Variants in SLC12A7 observed in about 807,000 individuals in gnomAD.
The protein encoded by SLC12A7 is K-Cl cotransporter 4.
SLC12A7 carries 100 observed loss-of-function variants against 120.6 expected under a neutral mutation model. The observed-to-expected ratio is 0.83, with a 90% CI of 0.71 to 0.98. SLC12A7 has a LOEUF of 0.98. Among genes scored for constraint, SLC12A7 ranks in the 50% least tolerant of loss-of-function variants. The pLI is 0.00. For missense variants in SLC12A7, 1,373 were observed against 1,548.1 expected (o/e 0.89, Z 1.90); for synonymous variants, 760 against 678.0 (o/e 1.12, Z -1.88).
chr5:1,085,485 A>C lies in SLC12A7; in HGVS notation c.676-12T>G, dbSNP rs549204265. 2.6e-4 allele frequency: 407 copies of C among 1,593,722 alleles called. 8 individuals carry two copies. The South Asian group carries it at 4.4e-3, about 17-fold the overall frequency. Reference sequence around the variant, plus strand: ...GGGGAGATGTACGTCTGTGGGAACAAGGCCGGTCGGGAGGCCGTCCCCGGA... The same window carrying C: ...GGGGAGATGTACGTCTGTGGGAACACGGCCGGTCGGGAGGCCGTCCCCGGA... On this transcript the variant is annotated splice_polypyrimidine_tract_variant and intron_variant, in intron 6 of 23. Transcript: ENST00000264930.
the SLC12A7 span, among the ~76,000 whole-genome samples, chr5:1,120,169 C>T: frequency 9.2e-5 from 14 of 152,226 alleles, no homozygotes; most frequent in South Asian, 2.1e-4. Context: ...TGCCACAGCC[C>T]CAAACATGCT....
rs772247449 is a variant in SLC12A7 at position 1,085,280 on chromosome 5, G to T, written c.869C>A (p.Ala290Asp). The T allele has an allele frequency of 6.2e-7, 1 of 1,612,648 alleles. No individual in the cohort carries two copies. The highest frequency in any genetic ancestry group is 8.5e-7 in the Non-Finnish European group (1 of 1,179,874). The change falls in exon 7 of 24, where the codon GCC (alanine) becomes GAC (aspartate). Residue 290 changes from alanine (A) to aspartate (D), a missense_variant. Transcript: ENST00000264930. ...FLACVVLSIL[A>D]IYAGVIKSAF... is the part of the protein sequence containing the mutation. Reference sequence around the variant, plus strand: ...AGACTTGATGACGCCGGCATAGATGGCCAGGATGGACAGCACGACGCAGGC... The same window carrying T: ...AGACTTGATGACGCCGGCATAGATGTCCAGGATGGACAGCACGACGCAGGC...
the SLC12A7 span, among the ~76,000 whole-genome samples, chr5:1,152,091 C>T: frequency 6.6e-6 from 1 of 152,094 alleles, no homozygotes; most frequent in South Asian, 2.1e-4. Context: ...GGGGCTCTGC[C>T]ATTGCCTGGT....
At chr5:1,061,052 T>TCACCCACCG (rs1554011320) in intron 20 of SLC12A7, among the ~76,000 whole-genome samples, 13 of 124,384 alleles carry the variant, frequency 1.0e-4, no homozygotes, top group African/African-American at 3.6e-4. Flanking sequence ...TCCCTGAGTC[T>TCACCCACCG]CACCCGCCGC....
intron 1 of SLC12A7, among the ~76,000 whole-genome samples, chr5:1,105,199 C>T (rs917211013): frequency 6.9e-6 from 1 of 144,360 alleles, no homozygotes; most frequent in African/African-American, 2.6e-5. Flanking sequence ...CAGTCACCCA[C>T]CAGCCAAAGG....
chr5:1,084,753 G>A (rs1412461390), intron 7 of SLC12A7, among the ~76,000 whole-genome samples: 8 of 152,142 alleles, frequency 5.3e-5, no homozygotes, highest in Non-Finnish European at 8.8e-5. Context: ...TTGGCTGCTG[G>A]CCCTTTCTGG....
the SLC12A7 span, among the ~76,000 whole-genome samples, chr5:1,152,933 T>G: frequency 6.6e-6 from 1 of 152,262 alleles, no homozygotes; most frequent in Non-Finnish European, 1.5e-5. Context: ...ATGGCCCGCC[T>G]GGCATGCAAT....
At position 1,085,462 on chromosome 5, in the gene SLC12A7, G is replaced by A. The variant is rs1404148478; in HGVS notation, c.687C>T (p.Ser229=). 2.5e-6 allele frequency: 4 copies of A among 1,606,466 alleles called. No individual in the cohort carries two copies. Among genetic ancestry groups the A allele is most frequent in the Non-Finnish European group, 3.4e-6 (4 of 1,177,194 alleles). ...GTIEIFLTYI[S]PGAAIFQAEA... ...CCGCCTGGAAGATGGCCGCACCCGG[G>A]GAGATGTACGTCTGTGGGAACAAGG... Residue 229 remains serine (S), a synonymous_variant, in exon 7 of 24, where the codon TCC becomes TCT. Transcript: ENST00000264930.
chr5:1,069,285 G>A (rs182396904), intron 17 of SLC12A7, among the ~76,000 whole-genome samples: 32 of 152,228 alleles, frequency 2.1e-4, no homozygotes, highest in Admixed American at 2.1e-3. Context: ...ACCACCTGAG[G>A]CTGCTACCAT....
At chr5:1,134,198 G>A in the SLC12A7 span, among the ~76,000 whole-genome samples, 38 of 152,282 alleles carry the variant, frequency 2.5e-4, 1 homozygote, top group African/African-American at 7.5e-4. Context: ...GGCTGGGCGC[G>A]GTGGCTCATG....
chr5:1,127,444 A>G, the SLC12A7 span, among the ~76,000 whole-genome samples: 1 of 152,334 alleles, frequency 6.6e-6, no homozygotes, highest in South Asian at 2.1e-4. Flanking sequence ...AGAAGTTGGA[A>G]GGGGCAGGAA....
At chr5:1,134,327 G>T in the SLC12A7 span, among the ~76,000 whole-genome samples, 2 of 152,158 alleles carry the variant, frequency 1.3e-5, no homozygotes, top group African/African-American at 2.4e-5. Context: ...AAAATCAGCC[G>T]GGTGTGGTGG....
chr5:1,067,993 G>A (rs1451816387), intron 17 of SLC12A7, among the ~76,000 whole-genome samples: 1 of 152,202 alleles, frequency 6.6e-6, no homozygotes, highest in African/African-American at 2.4e-5. Context: ...ACAACTTTAC[G>A]AGCGGGGAGC....
intron 20 of SLC12A7, among the ~76,000 whole-genome samples, chr5:1,063,327 G>A (rs983747671): frequency 4.6e-5 from 7 of 152,208 alleles, no homozygotes; most frequent in Non-Finnish European, 4.4e-5. Flanking sequence ...CATCTGGGGA[G>A]AGCACCCAAA....
chr5:1,132,945 C>G, the SLC12A7 span, among the ~76,000 whole-genome samples: 1 of 152,206 alleles, frequency 6.6e-6, no homozygotes, highest in Non-Finnish European at 1.5e-5. Flanking sequence ...CAGTCTCGCT[C>G]TGTCATCTAG....
chr5:1,101,573 G>C (rs1742020383), intron 1 of SLC12A7, among the ~76,000 whole-genome samples: 1 of 152,248 alleles, frequency 6.6e-6, no homozygotes, highest in Admixed American at 6.5e-5. Context: ...GCGAGGTCAA[G>C]CCCTGGCCTG....
the SLC12A7 span, among the ~76,000 whole-genome samples, chr5:1,127,916 T>C: frequency 1.3e-5 from 2 of 152,158 alleles, no homozygotes; most frequent in African/African-American, 4.8e-5. Flanking sequence ...GAAGGGAAGA[T>C]AAAGCACGAG....
At position 1,061,025 on chromosome 5, in the gene SLC12A7, G is replaced by GAA. The variant is rs1561034654; in HGVS notation, c.2740-575_2740-574insTT. Among the ~76,000 whole-genome samples the GAA allele has an allele frequency of 2.4e-4, 34 of 139,880 alleles. 1 individual carries two copies. Among genetic ancestry groups the GAA allele is most frequent in the African/African-American group, 1.0e-3 (32 of 32,122 alleles). 91.8% of individuals were successfully genotyped at this position (139,880 alleles called of 152,430 possible). A position where few individuals can be genotyped will look rare whatever the true frequency, so the allele number is the denominator to read the frequency against. Reference sequence around the variant, plus strand: ...GCAGGATCCCTGAGTCTCACCCGCCGCACCCGCCGTGCGGGATCCCTGAGT... The same window carrying GAA: ...GCAGGATCCCTGAGTCTCACCCGCCGAACACCCGCCGTGCGGGATCCCTGAGT... On this transcript the variant is annotated intron_variant, in intron 20 of 23. Coordinates refer to ENST00000264930, the MANE Select transcript of SLC12A7 (RefSeq NM_006598.3).
intron 1 of SLC12A7, among the ~76,000 whole-genome samples, chr5:1,102,547 G>C (rs1432310167): frequency 6.6e-6 from 1 of 152,226 alleles, no homozygotes; most frequent in Non-Finnish European, 1.5e-5. Context: ...CTGAAGCCAG[G>C]TCCGACAGCC....
Sources: gnomAD v4.1 joint callset for allele counts (sites outside exome capture counted in the v4.1 genomes callset) on GRCh38, gnomAD v4.1.1 for gene constraint, MANE v1.5 for transcripts, NCBI Gene and HGNC (gene_info 2026-07-23, HGNC 2026-07-21) for gene names.